PRDM8: variants seen among roughly 807,000 people sequenced by gnomAD.
PRDM8 encodes PR/SET domain 8.
PRDM8 carries 13 observed loss-of-function variants against 46.5 expected under a neutral mutation model. That is an observed-to-expected ratio of 0.28 (90% confidence interval 0.18 to 0.44). The LOEUF is 0.44. PRDM8 is among the 20% of genes least tolerant of loss of function. The probability of loss-of-function intolerance (pLI) is 1.00; values close to 1 mark genes in which losing one functional copy is unlikely to be tolerated. For synonymous variants in PRDM8, 473 were observed against 438.4 expected (o/e 1.08, Z -0.98); for missense variants, 998 against 955.0 (o/e 1.04, Z -0.59).
chr4:80,186,430 G>GGGGAGAGAGAGAGAGAGAGAGAGA (rs1737083097), intron 1 of PRDM8, among the ~76,000 whole-genome samples: 1 of 129,920 alleles, frequency 7.7e-6, no homozygotes, highest in Non-Finnish European at 1.6e-5. Flanking sequence ...AAGGCAGGGT[G>GGGGAGAGAGAGAGAGAGAGAGAGA]GAGAGAGAGA....
rs1339880285 is a variant in PRDM8, at chr4:80,198,979, GGTTTTTTTTTTTTTGTTTTTTT to G, written c.-2-1099_-2-1078del. On this transcript the variant is annotated intron_variant, in intron 1 of 3. Transcript: ENST00000415738. ...AAATTTAAATACCTGGGTTTTTTTG[GGTTTTTTTTTTTTTGTTTTTTT>G]TTTTTTTTTTTTTTTTTAGTGATAA... is the stretch of plus-strand genomic sequence containing the variant. 1.8e-3 allele frequency among the ~76,000 whole-genome samples: 210 copies of G among 113,524 alleles called. 2 individuals carry two copies. Among genetic ancestry groups the G allele is most frequent in the African/African-American group, 6.7e-3 (200 of 29,770 alleles). The allele number at this position is 113,524 out of a possible 152,430, so 74.5% of individuals were successfully genotyped here.
At chr4:80,186,198 G>C (rs1297619649) in intron 1 of PRDM8, among the ~76,000 whole-genome samples, 1 of 152,144 alleles carries the variant, frequency 6.6e-6, no homozygotes, top group African/African-American at 2.4e-5. Context: ...AGGAAGGATG[G>C]GGTAGGATAA....
chr4:80,188,918 C>A (rs1421111518), intron 1 of PRDM8, among the ~76,000 whole-genome samples: 1 of 152,240 alleles, frequency 6.6e-6, no homozygotes, highest in Non-Finnish European at 1.5e-5. Context: ...TGAGGGCAGC[C>A]ACGGGGGGAA....
rs1553906750 is a variant in PRDM8, at chr4:80,203,746, CCACA to C, written c.*225_*228del. 2 of 452,950 alleles carry C rather than the reference CCACA, an allele frequency of 4.4e-6. No individual in the cohort carries two copies. Among genetic ancestry groups the C allele is most frequent in the African/African-American group, 2.2e-5 (1 of 46,160 alleles). The allele number at this position is 452,950 out of a possible 1,614,324, so 28.1% of individuals were successfully genotyped here. The stretch of plus-strand genomic sequence containing the variant: ...ATTTACCCGGGACACACACCCCCCC[CCACA>C]CACACACACAGACACACTCACACAC... On this transcript the variant is annotated 3_prime_UTR_variant, in exon 4 of 4. Coordinates refer to ENST00000415738, the MANE Select transcript of PRDM8 (RefSeq NM_001099403.2).
At position 80,203,311 on chromosome 4, in the gene PRDM8, A is replaced by C. The variant is rs776429590; in HGVS notation, c.1849A>C (p.Thr617Pro). The change falls in exon 4 of 4, where the codon ACC becomes CCC. Residue 617 changes from threonine to proline, a missense_variant. Physicochemically the swap from Thr to Pro is conservative, Grantham distance 38. Transcript: ENST00000415738. Reference protein sequence around the residue: ...SALTLLPPSFTSLCLPAQNWC... With the variant: ...SALTLLPPSFPSLCLPAQNWC... ...GCTCACGCTGCTGCCGCCCTCCTTC[A>C]CCTCGCTGTGTCTGCCCGCGCAGAA... 1.2e-6 allele frequency: 2 copies of C among 1,612,354 alleles called. No individual in the cohort carries two copies. Among genetic ancestry groups the C allele is most frequent in the South Asian group, 2.2e-5 (2 of 90,824 alleles).
chr4:80,202,900 G>T lies in PRDM8; in HGVS notation c.1438G>T (p.Ala480Ser). Residue 480 changes from alanine (A) to serine (S), a missense_variant, in exon 4 of 4, where the codon GCC (alanine) becomes TCC (serine). Physicochemically the swap from Ala to Ser is moderately conservative, Grantham distance 99. Transcript: ENST00000415738. ...CACCAGCGGTGGGGGCGGAACGGGC[G>T]CCGGGGCCGCAGGCGGCGCGGGCGG... ...GSTSGGGGTG[A>S]GAAGGAGGGQ... The T allele has an allele frequency of 1.5e-6, 2 of 1,329,678 alleles. No homozygotes were observed. The highest frequency in any genetic ancestry group is 3.1e-5 in the East Asian group (1 of 31,812). The allele number at this position is 1,329,678 out of a possible 1,614,324, so 82.4% of individuals were successfully genotyped here. A position where few individuals can be genotyped will look rare whatever the true frequency, so the allele number is the denominator to read the frequency against.
chr4:80,196,959 G>C, upstream of PRDM8: 1 of 985,424 alleles, frequency 1.0e-6, no homozygotes, highest in South Asian at 4.7e-5. Flanking sequence ...TCTGAATTTT[G>C]CAGGGGGAAG....
chr4:80,199,018 T>TTTA lies in PRDM8; in HGVS notation c.-2-1061_-2-1060insTTA, dbSNP rs1553904883. On this transcript the variant is annotated intron_variant, in intron 1 of 3. Coordinates refer to ENST00000415738, the MANE Select transcript of PRDM8 (RefSeq NM_001099403.2). ...TGTTTTTTTTTTTTTTTTTTTTTTTTAGTGATAAGTCTTGTATGGGGTGTC... is the reference window on the plus strand; with the variant it reads ...TGTTTTTTTTTTTTTTTTTTTTTTTTTTAAGTGATAAGTCTTGTATGGGGTGTC... 1.0e-3 allele frequency among the ~76,000 whole-genome samples: 89 copies of TTTA among 89,170 alleles called. 6 individuals are homozygous for TTTA. Among genetic ancestry groups the TTTA allele is most frequent in the East Asian group, 1.8e-3 (3 of 1,676 alleles). The allele number at this position is 89,170 out of a possible 152,430, so 58.5% of individuals were successfully genotyped here.
intron 2 of PRDM8, among the ~76,000 whole-genome samples, 166 bp downstream of exon 2, chr4:80,200,465 T>A (rs1161861559): frequency 1.3e-5 from 2 of 152,240 alleles, no homozygotes; most frequent in African/African-American, 2.4e-5. Flanking sequence ...AAAATTAAAC[T>A]CAAATTATTG....
chr4:80,187,718 G>A (rs1345592145), intron 1 of PRDM8, among the ~76,000 whole-genome samples: 1 of 152,048 alleles, frequency 6.6e-6, no homozygotes, highest in Admixed American at 6.5e-5. Context: ...TATATGCAGG[G>A]GGATGCAACC....
At chr4:80,185,562 G>T (rs72656521) in intron 1 of PRDM8, 7,174 of 152,390 alleles carry the variant, frequency 0.047, 225 homozygotes, top group Non-Finnish European at 0.07. Context: ...TGGAGGAAGG[G>T]CCTCATGCAC....
Position 80,203,346 on chromosome 4 carries a change from C to T in PRDM8, c.1884C>T (p.Ala628=), listed in dbSNP as rs1738733654. The T allele has an allele frequency of 6.2e-7, 1 of 1,613,912 alleles. No individual in the cohort carries two copies. The highest frequency in any genetic ancestry group is 1.1e-5 in the South Asian group (1 of 91,058). Residue 628 remains alanine, a synonymous_variant, in exon 4 of 4, where the codon GCC becomes GCT. Transcript: ENST00000415738. ...SLCLPAQNWC[A]KCNASFRMTS... is the part of the protein sequence containing the mutation. ...GTCTGCCCGCGCAGAACTGGTGCGC[C>T]AAGTGCAATGCCTCCTTCCGCATGA... is the stretch of plus-strand genomic sequence containing the variant.
chr4:80,201,218 T>C, intron 2 of PRDM8, 72 bp from the exon 3 acceptor site: 2 of 1,363,752 alleles, frequency 1.5e-6, no homozygotes, highest in African/African-American at 1.5e-5. Flanking sequence ...TTGATTCTTC[T>C]GATTTCATTC....
chr4:80,189,363 A>G (rs1208427300), intron 1 of PRDM8, among the ~76,000 whole-genome samples: 1 of 152,124 alleles, frequency 6.6e-6, no homozygotes, highest in Admixed American at 6.5e-5. Flanking sequence ...ATGGAAGTCA[A>G]ATATCAATCT....
At chr4:80,188,368 T>C (rs1300540797) in intron 1 of PRDM8, among the ~76,000 whole-genome samples, 2 of 152,162 alleles carry the variant, frequency 1.3e-5, no homozygotes, top group Non-Finnish European at 2.9e-5. Context: ...TATTATAATA[T>C]CCCTATTTCA....
At chr4:80,201,602 G>A (rs1738453626) in intron 3 of PRDM8, 81 bp downstream of exon 3, 1 of 1,394,734 alleles carries the variant, frequency 7.2e-7, no homozygotes, top group Middle Eastern at 2.3e-4. Flanking sequence ...CACCCGGCGC[G>A]TTGGCGCGCC....
At chr4:80,194,268 C>T (rs1245261824), upstream of PRDM8, 5 of 932,466 alleles carry the variant, frequency 5.4e-6, no homozygotes, top group Non-Finnish European at 6.4e-6. Context: ...CATTGTCATT[C>T]TTCTAATTAC....
chr4:80,187,446 G>T (rs1432088667), intron 1 of PRDM8, among the ~76,000 whole-genome samples: 7 of 152,160 alleles, frequency 4.6e-5, no homozygotes, highest in Admixed American at 3.9e-4. Flanking sequence ...TGGGGCATTT[G>T]GTAATGCAGG....
intron 1 of PRDM8, among the ~76,000 whole-genome samples, chr4:80,188,577 C>G (rs1189246242): frequency 1.3e-5 from 2 of 152,174 alleles, no homozygotes; most frequent in African/African-American, 2.4e-5. Context: ...ATTACAGACC[C>G]CGGGTTCAGA....
Sources: gnomAD v4.1 joint callset for allele counts (sites outside exome capture counted in the v4.1 genomes callset) on GRCh38, gnomAD v4.1.1 for gene constraint, MANE v1.5 for transcripts, NCBI Gene and HGNC (gene_info 2026-07-23, HGNC 2026-07-21) for gene names.